The following PCDH15 variants were observed in gnomAD, a reference collection of about 807,000 sequenced individuals.
PCDH15 encodes the protein protocadherin-15.
PCDH15 carries 129 observed loss-of-function variants against 178.5 expected under a neutral mutation model. That is an observed-to-expected ratio of 0.72 (90% CI 0.63 to 0.84). The LOEUF is 0.84. Among genes scored for constraint, PCDH15 ranks in the 40% least tolerant of loss-of-function variants. PCDH15 has a pLI of 0.00. For synonymous variants in PCDH15, 800 were observed against 732.0 expected, an observed-to-expected ratio of 1.09 and a Z score of -1.50; for missense variants, 2,230 against 2,099.9, an observed-to-expected ratio of 1.06 and a Z score of -1.21.
chr10:53,873,004 A>G (rs1381645429), intron 26 of PCDH15, among the ~76,000 whole-genome samples: 1 of 152,176 alleles, frequency 6.6e-6, no homozygotes, highest in Admixed American at 6.5e-5. Context: ...CATCAGCTCT[A>G]TTGATCTCTG....
chr10:54,093,557 G>A (rs968204242), intron 15 of PCDH15, among the ~76,000 whole-genome samples: 6 of 152,050 alleles, frequency 3.9e-5, no homozygotes, highest in Non-Finnish European at 1.5e-5. Context: ...TCAAGTATTA[G>A]GATTTGATTA....
chr10:54,705,923 C>T (rs113083437), intron 1 of PCDH15, among the ~76,000 whole-genome samples: 2,915 of 152,058 alleles, frequency 0.019, 85 homozygotes, highest in African/African-American at 0.065. Flanking sequence ...GTGGTATCAA[C>T]GGTACAGTGA....
At chr10:55,279,770 C>T (rs1842681167) in intron 1 of PCDH15, among the ~76,000 whole-genome samples, 1 of 152,114 alleles carries the variant, frequency 6.6e-6, no homozygotes, top group Non-Finnish European at 1.5e-5. Context: ...AATGGGACTA[C>T]AATAAGGACT....
intron 3 of PCDH15, among the ~76,000 whole-genome samples, chr10:54,860,811 A>G (rs552132201): frequency 1.3e-5 from 2 of 152,134 alleles, no homozygotes; most frequent in Non-Finnish European, 2.9e-5. Flanking sequence ...TTTGTCTAAT[A>G]TATTGGTTAT....
chr10:53,986,191 C>G (rs560885029), intron 21 of PCDH15, among the ~76,000 whole-genome samples: 1 of 152,010 alleles, frequency 6.6e-6, no homozygotes, highest in Non-Finnish European at 1.5e-5. Flanking sequence ...CATACACACT[C>G]GACATACAAA....
chr10:54,362,273 A>G (rs889297789), intron 5 of PCDH15, among the ~76,000 whole-genome samples: 1 of 152,058 alleles, frequency 6.6e-6, no homozygotes, highest in Non-Finnish European at 1.5e-5. Flanking sequence ...GGATAAGAAC[A>G]AATTTAAAAT....
intron 8 of PCDH15, among the ~76,000 whole-genome samples, chr10:54,238,436 G>T (rs190618584): frequency 6.6e-5 from 10 of 151,842 alleles, no homozygotes; most frequent in Admixed American, 6.6e-4. Context: ...GGTTTCTCTC[G>T]AGTTCATTAT....
chr10:54,182,601 T>G (rs1375875926), intron 13 of PCDH15, among the ~76,000 whole-genome samples: 3 of 151,936 alleles, frequency 2.0e-5, no homozygotes, highest in Non-Finnish European at 4.4e-5. Context: ...AAATCAGGAA[T>G]AAAGATGTTG....
intron 2 of PCDH15, among the ~76,000 whole-genome samples, chr10:55,345,669 T>C (rs1277010581): frequency 8.9e-6 from 1 of 112,234 alleles, no homozygotes; most frequent in Non-Finnish European, 1.9e-5. Flanking sequence ...TATTTTCTTG[T>C]GTTGTGTGAT....
At chr10:54,582,103 C>T (rs944248579) in intron 2 of PCDH15, among the ~76,000 whole-genome samples, 10 of 151,552 alleles carry the variant, frequency 6.6e-5, no homozygotes, top group African/African-American at 2.4e-4. Context: ...GTTTGCACAG[C>T]AATATAAAAA....
intron 8 of PCDH15, among the ~76,000 whole-genome samples, chr10:54,309,750 T>G (rs1237293975): frequency 6.6e-6 from 1 of 151,770 alleles, no homozygotes; most frequent in Non-Finnish European, 1.5e-5. Context: ...GAGCCAAGAT[T>G]GTGTCACTGC....
intron 2 of PCDH15, among the ~76,000 whole-genome samples, chr10:54,941,656 G>C (rs1838065712): frequency 6.6e-6 from 1 of 151,896 alleles, no homozygotes. Flanking sequence ...CCTCTTTGTA[G>C]ACCGTGTAAT....
intron 2 of PCDH15, among the ~76,000 whole-genome samples, chr10:55,158,022 C>G (rs11004762): frequency 0.54 from 81,240 of 150,670 alleles, 23,723 homozygotes; most frequent in Non-Finnish European, 0.65. Context: ...TTATTATGCT[C>G]TATAGTTCCA....
At chr10:55,056,664 G>A (rs1399629474) in intron 2 of PCDH15, among the ~76,000 whole-genome samples, 1 of 149,304 alleles carries the variant, frequency 6.7e-6, no homozygotes, top group East Asian at 2.0e-4. Context: ...ACGGAGTCTT[G>A]CTGTCTTGCC....
At chr10:53,930,062 T>C (rs982009791) in intron 25 of PCDH15, among the ~76,000 whole-genome samples, 1 of 152,100 alleles carries the variant, frequency 6.6e-6, no homozygotes, top group East Asian at 1.9e-4. Context: ...CCAAGTAACA[T>C]TATATCCTAA....
At chr10:54,718,684 CTTTTTTT>C (rs71461255) in intron 1 of PCDH15, among the ~76,000 whole-genome samples, 2 of 111,520 alleles carry the variant, frequency 1.8e-5, no homozygotes, top group South Asian at 2.9e-4. Context: ...CACACTGATT[CTTTTTTT>C]TTTTTTTTTT....
intron 18 of PCDH15, among the ~76,000 whole-genome samples, chr10:54,052,938 T>G (rs1473442616): frequency 6.6e-6 from 1 of 152,210 alleles, no homozygotes; most frequent in South Asian, 2.1e-4. Flanking sequence ...CGCTTCGCTC[T>G]GAACCTCTCC....
intron 25 of PCDH15, among the ~76,000 whole-genome samples, chr10:53,929,878 A>G (rs749636002): frequency 1.3e-5 from 2 of 152,208 alleles, no homozygotes; most frequent in Non-Finnish European, 2.9e-5. Context: ...TAATTTTACC[A>G]TAAAGCAAAA....
intron 2 of PCDH15, among the ~76,000 whole-genome samples, chr10:55,521,776 A>G (rs902658846): frequency 1.3e-5 from 2 of 151,888 alleles, no homozygotes; most frequent in African/African-American, 4.8e-5. Context: ...AAATATTGTA[A>G]GTCAAAACTG....
Sources: allele counts gnomAD v4.1 joint callset (sites outside exome capture counted in the v4.1 genomes callset), GRCh38; gene constraint gnomAD v4.1.1; transcripts MANE v1.5; gene names NCBI Gene and HGNC (gene_info 2026-07-23, HGNC 2026-07-21).